NDUFA8: variants seen among roughly 807,000 people sequenced by gnomAD.
The protein encoded by NDUFA8 is NADH:ubiquinone oxidoreductase subunit A8, also known as NADH dehydrogenase [ubiquinone] 1 alpha subcomplex subunit 8.
In NDUFA8, 16 loss-of-function variants were observed where a neutral mutation model predicts 20.9. That is an observed-to-expected ratio of 0.77 (90% confidence interval 0.52 to 1.16). NDUFA8 has a LOEUF of 1.16. Ranked by LOEUF, NDUFA8 falls within the 50% of genes most tolerant of loss-of-function variation. The pLI is 0.00. For missense variants in NDUFA8, 202 were observed against 216.4 expected, an observed-to-expected ratio of 0.93 and a Z score of 0.42; for synonymous variants, 70 against 76.1, an observed-to-expected ratio of 0.92 and a Z score of 0.41.
chr9:122,157,440 T>C (rs1296842590), intron 1 of NDUFA8, among the ~76,000 whole-genome samples: 1 of 152,240 alleles, frequency 6.6e-6, no homozygotes, highest in African/African-American at 2.4e-5. Context: ...TTCAAATCTT[T>C]TCCTAAACCA....
rs781474505 is a variant in NDUFA8, at chr9:122,148,291, C to T, written c.216-14G>A. The T allele has an allele frequency of 1.2e-6, 2 of 1,614,010 alleles. No homozygotes were observed. The highest frequency in any genetic ancestry group is 2.2e-5 in the South Asian group (2 of 91,072). On this transcript the variant is annotated splice_polypyrimidine_tract_variant and intron_variant, in intron 2 of 3. Transcript: ENST00000373768. Reference sequence around the variant, plus strand: ...CGTTTTATCTGCCTGGAAAAGAAAGCTGGGTTAGGGGCATCTCTTTGCAAA... The same window carrying T: ...CGTTTTATCTGCCTGGAAAAGAAAGTTGGGTTAGGGGCATCTCTTTGCAAA...
chr9:122,151,483 A>G (rs1828996309), intron 2 of NDUFA8, among the ~76,000 whole-genome samples: 1 of 152,256 alleles, frequency 6.6e-6, no homozygotes, highest in Admixed American at 6.5e-5. Flanking sequence ...TTGCTAAGCA[A>G]GTATCAACAG....
Position 122,159,778 on chromosome 9 carries a change from A to G in NDUFA8, c.-101T>C. 6.4e-7 allele frequency: 1 copy of G among 1,567,114 alleles called. No homozygotes were observed. The highest frequency in any genetic ancestry group is 1.7e-5 in the Admixed American group (1 of 59,822). The stretch of plus-strand genomic sequence containing the variant: ...GCCGAGTGCCACACGGCGCCTGCGC[A>G]TGCGCATCCGGCAACACGCAGGCGT... On this transcript the variant is annotated 5_prime_UTR_variant, in exon 1 of 4. It removes an upstream start codon present in the reference 5' UTR. Transcript: ENST00000373768.
intron 2 of NDUFA8, 122 bp from the exon 3 acceptor site, chr9:122,148,399 A>C (rs1828939847): frequency 2.7e-6 from 3 of 1,106,228 alleles, no homozygotes; most frequent in Admixed American, 3.6e-5. Flanking sequence ...ATGTGAGTAC[A>C]TATTCTTATC....
chr9:122,150,336 G>A (rs1213603977), intron 2 of NDUFA8, among the ~76,000 whole-genome samples: 5 of 150,318 alleles, frequency 3.3e-5, no homozygotes, highest in South Asian at 2.1e-4. Flanking sequence ...GCGCGAACCC[G>A]GGAGGCGGAG....
chr9:122,156,416 T>C (rs1829076027), intron 1 of NDUFA8, among the ~76,000 whole-genome samples: 2 of 152,210 alleles, frequency 1.3e-5, no homozygotes, highest in South Asian at 4.1e-4. Context: ...CCTTGAGTTT[T>C]CCTAAATTTA....
At chr9:122,158,591 C>T (rs1829115228) in intron 1 of NDUFA8, among the ~76,000 whole-genome samples, 1 of 151,794 alleles carries the variant, frequency 6.6e-6, no homozygotes, top group African/African-American at 2.4e-5. Flanking sequence ...AGCTCCGTGA[C>T]CTTGGGCAAA....
chr9:122,146,159 A>G (rs1828902270), intron 3 of NDUFA8, among the ~76,000 whole-genome samples: 1 of 152,038 alleles, frequency 6.6e-6, no homozygotes, highest in African/African-American at 2.4e-5. Flanking sequence ...AAGAAAAACA[A>G]AAAAAATGTT....
At chr9:122,132,990 G>A in the NDUFA8 span, 1 of 455,906 alleles carries the variant, frequency 2.2e-6, no homozygotes, top group Non-Finnish European at 4.4e-6. Context: ...GAGGGAAAAG[G>A]CACCACGTTT....
At chr9:122,132,586 G>A in the NDUFA8 span, among the ~76,000 whole-genome samples, 2 of 152,102 alleles carry the variant, frequency 1.3e-5, no homozygotes, top group Non-Finnish European at 2.9e-5. Flanking sequence ...CAGGAGGCCT[G>A]TGTTCCAATC....
chr9:122,156,204 CTCTT>C (rs1453718231), intron 1 of NDUFA8, among the ~76,000 whole-genome samples: 1 of 152,194 alleles, frequency 6.6e-6, no homozygotes, highest in Non-Finnish European at 1.5e-5. Flanking sequence ...TCATTCAGAT[CTCTT>C]TGTCTCAAAC....
At chr9:122,137,043 A>G in the NDUFA8 span, among the ~76,000 whole-genome samples, 5 of 152,092 alleles carry the variant, frequency 3.3e-5, no homozygotes, top group South Asian at 2.1e-4. Context: ...CACTAGCCAC[A>G]GTTTCAGCCA....
chr9:122,146,651 C>T (rs1204580179), intron 3 of NDUFA8, among the ~76,000 whole-genome samples: 4 of 152,226 alleles, frequency 2.6e-5, no homozygotes, highest in African/African-American at 9.7e-5. Flanking sequence ...AATCCCATCA[C>T]ACTGGGAGGC....
At chr9:122,152,138 A>T in intron 2 of NDUFA8, 107 bp downstream of exon 2, 1 of 1,290,264 alleles carries the variant, frequency 7.8e-7, no homozygotes, top group Non-Finnish European at 1.1e-6. Context: ...TCTGATTTCA[A>T]AGCCTATGTA....
At chr9:122,159,055 G>A (rs569166895) in intron 1 of NDUFA8, among the ~76,000 whole-genome samples, 23 of 152,140 alleles carry the variant, frequency 1.5e-4, no homozygotes, top group Admixed American at 5.2e-4. Flanking sequence ...CTCTTCCAGC[G>A]TTATGTGTAC....
chr9:122,141,078 C>G (rs1282481762), downstream of NDUFA8, among the ~76,000 whole-genome samples: 1 of 152,142 alleles, frequency 6.6e-6, no homozygotes, highest in Non-Finnish European at 1.5e-5. Context: ...GAGGCAGCTA[C>G]GGGGAAGGAC....
At chr9:122,132,881 T>C in the NDUFA8 span, 1 of 455,646 alleles carries the variant, frequency 2.2e-6, no homozygotes, top group East Asian at 7.0e-5. Flanking sequence ...AGAAGTGTCG[T>C]TGTTCTCCCA....
At chr9:122,149,732 C>T (rs1349199980) in intron 2 of NDUFA8, among the ~76,000 whole-genome samples, 1 of 151,704 alleles carries the variant, frequency 6.6e-6, no homozygotes, top group African/African-American at 2.4e-5. Flanking sequence ...CCAAGGTAGG[C>T]GGATCACTTG....
downstream of NDUFA8, among the ~76,000 whole-genome samples, chr9:122,142,926 CA>C (rs374571413): frequency 2.6e-5 from 4 of 151,470 alleles, no homozygotes; most frequent in Admixed American, 6.6e-5. Context: ...GAAAAAAATG[CA>C]AAAAAAAGTC....
Sources: gnomAD v4.1 joint callset for allele counts (sites outside exome capture counted in the v4.1 genomes callset) on GRCh38, gnomAD v4.1.1 for gene constraint, MANE v1.5 for transcripts, NCBI Gene and HGNC (gene_info 2026-07-23, HGNC 2026-07-21) for gene names.